Variants in ADGRG4 observed in about 807,000 individuals in gnomAD.
The protein encoded by ADGRG4 is adhesion G protein-coupled receptor G4, also known as G protein-coupled receptor 112.
A neutral mutation model predicts 126.2 loss-of-function variants in ADGRG4; 122 were observed. The ratio of observed to expected loss-of-function variants is 0.97; its 90% CI spans 0.83 to 1.12. The LOEUF (loss-of-function observed/expected upper bound fraction) is 1.12. Among genes scored for constraint, ADGRG4 ranks in the 50% most tolerant of loss-of-function variants. The pLI, the probability that ADGRG4 is intolerant of heterozygous loss-of-function variation, is 0.00. For missense variants in ADGRG4, 2,481 were observed against 2,251.8 expected, an observed-to-expected ratio of 1.10 and a Z score of -2.06; for synonymous variants, 943 against 838.7, an observed-to-expected ratio of 1.12 and a Z score of -2.15.
intron 15 of ADGRG4, among the ~76,000 whole-genome samples, chrX:136,376,249 T>C (rs182896321): frequency 4.5e-4 from 51 of 112,294 alleles, no homozygotes; most frequent in Admixed American, 4.0e-3. Context: ...TTCTGTTCTA[T>C]TGGTCTACAT....
intron 13 of ADGRG4, among the ~76,000 whole-genome samples, chrX:136,366,122 G>A (rs2075157097): frequency 8.9e-6 from 1 of 111,928 alleles, no homozygotes; most frequent in Non-Finnish European, 1.9e-5. Context: ...ATAATGACAC[G>A]AATCCGCCAT....
At chrX:136,372,761 C>A in intron 14 of ADGRG4, 141 bp from the exon 15 acceptor site, 1 of 566,206 alleles carries the variant, frequency 1.8e-6, no homozygotes, top group South Asian at 3.0e-5. Flanking sequence ...AAAGCCAGTG[C>A]TCTTATTTAA....
In ADGRG4 at chrX:136,350,174, G is replaced by A; in HGVS notation, c.6468G>A (p.Trp2156Ter). The part of the protein sequence containing the change: ...PLPSSTITSS[W>*]NRIPTASSPS... ...CTAGCTCTACAATAACATCTTCATG[G>A]AACAGAATTCCAACTGCATCATCAC... The change falls in exon 6 of 26, where the codon TGG (tryptophan) becomes TGA (stop). Residue 2156 changes from tryptophan to a stop codon, truncating the protein, a stop_gained. Coordinates refer to ENST00000394143, the MANE Select transcript of ADGRG4 (RefSeq NM_153834.4). LOFTEE classifies it high-confidence loss of function. The A allele has an allele frequency of 1.7e-6, 2 of 1,210,291 alleles. No homozygotes were observed. Among genetic ancestry groups the A allele is most frequent in the Non-Finnish European group, 2.2e-6 (2 of 894,628 alleles).
intron 25 of ADGRG4, among the ~76,000 whole-genome samples, chrX:136,415,706 G>A (rs2075472032): frequency 1.8e-5 from 2 of 111,772 alleles, no homozygotes; most frequent in African/African-American, 3.3e-5. Context: ...GTAGATAATA[G>A]TTGGGGCTGG....
chrX:136,343,885 C>A (rs1269578633), intron 5 of ADGRG4, among the ~76,000 whole-genome samples: 1 of 111,559 alleles, frequency 9.0e-6, no homozygotes, highest in Non-Finnish European at 1.9e-5. Flanking sequence ...AGCAACTAGT[C>A]CAAGGTTATG....
At chrX:136,375,391 A>C (rs966856440) in intron 15 of ADGRG4, among the ~76,000 whole-genome samples, 1 of 112,013 alleles carries the variant, frequency 8.9e-6, no homozygotes, top group African/African-American at 3.2e-5. Context: ...TTTCCTTTGA[A>C]TAGATACCCA....
chrX:136,303,695 AAAATCTCT>A (rs1212654522), intron 1 of ADGRG4, among the ~76,000 whole-genome samples: 1 of 111,684 alleles, frequency 9.0e-6, no homozygotes, highest in Non-Finnish European at 1.9e-5. Flanking sequence ...ATTGTCCTTC[AAAATCTCT>A]TAAGGAGTTG....
chrX:136,346,168 G>A lies in ADGRG4; in HGVS notation c.2462G>A (p.Gly821Asp). The A allele has an allele frequency of 8.3e-7, 1 of 1,208,287 alleles. No homozygotes were observed. The highest frequency in any genetic ancestry group is 1.7e-5 in the African/African-American group (1 of 57,633). Residue 821 changes from glycine to aspartate, a missense_variant, in exon 6 of 26, where the codon GGT (glycine) becomes GAT (aspartate). Gly to Asp is a moderately conservative substitution (Grantham distance 94). Transcript: ENST00000394143. ...ATAAATGGTGCAATTGTATTTGGAG[G>A]TACAACGACCCCTGTACCAAAGTCA... ...TEINGAIVFG[G>D]TTTPVPKSAT...
At chrX:136,328,958 T>TCAGA (rs2074891609) in intron 5 of ADGRG4, among the ~76,000 whole-genome samples, 1 of 111,568 alleles carries the variant, frequency 9.0e-6, no homozygotes, top group South Asian at 3.8e-4. Flanking sequence ...TCCTATAGAC[T>TCAGA]CAGAGATAGA....
intron 15 of ADGRG4, among the ~76,000 whole-genome samples, chrX:136,382,990 A>G (rs1001709961): frequency 9.0e-6 from 1 of 110,892 alleles, no homozygotes; most frequent in African/African-American, 3.3e-5. Context: ...TGCCACTTCC[A>G]CTTCCAACTC....
At chrX:136,404,170 G>C (rs2148499281) in intron 22 of ADGRG4, among the ~76,000 whole-genome samples, 1 of 111,415 alleles carries the variant, frequency 9.0e-6, no homozygotes, top group South Asian at 3.8e-4. Flanking sequence ...TTTGCCCTTT[G>C]CAGCAGATGC....
intron 3 of ADGRG4, among the ~76,000 whole-genome samples, chrX:136,307,406 A>G (rs1460395580): frequency 8.9e-6 from 1 of 112,599 alleles, no homozygotes; most frequent in Non-Finnish European, 1.9e-5. Context: ...ATAGCACTAT[A>G]AATTTAAGCT....
At position 136,346,948 on chromosome X, in the gene ADGRG4, A is replaced by C; in HGVS notation, c.3242A>C (p.His1081Pro). 1 of 1,210,873 alleles carries C rather than the reference A, an allele frequency of 8.3e-7. No homozygotes were observed. The highest frequency in any genetic ancestry group is 1.1e-6 in the Non-Finnish European group (1 of 894,869). ...ACAACCATTGTTATTGTGCCTACCC[A>C]TGGAGACTTGATTCGTACCACTTCA... ...ASTTIVIVPT[H>P]GDLIRTTSEA... is the part of the protein sequence containing the mutation. Residue 1081 changes from histidine to proline, a missense_variant, in exon 6 of 26, where the codon CAT becomes CCT. Coordinates refer to ENST00000394143, the MANE Select transcript of ADGRG4 (RefSeq NM_153834.4).
At position 136,360,866 on chromosome X, in the gene ADGRG4, G is replaced by A. The variant is rs145438304; in HGVS notation, c.7145-589G>A. ...GGGGCCATTCCAGAGAGAGAAGTTC[G>A]TCTATAGTCTCCTGTCTTTGGATAT... On this transcript the variant is annotated intron_variant, in intron 11 of 25. Coordinates refer to ENST00000394143, the MANE Select transcript of ADGRG4 (RefSeq NM_153834.4). Among the ~76,000 whole-genome samples, 50 of 111,938 alleles carry A rather than the reference G, an allele frequency of 4.5e-4. No homozygotes were observed. In the East Asian group the frequency reaches 0.011, roughly 24 times the overall value.
chrX:136,322,242 GGCCTCTGTCAGT>G (rs1454566508), intron 4 of ADGRG4, among the ~76,000 whole-genome samples: 4 of 111,750 alleles, frequency 3.6e-5, no homozygotes, highest in African/African-American at 1.3e-4. Context: ...TCATTCTTCA[GGCCTCTGTCAGT>G]GCCTTTCAGT....
intron 15 of ADGRG4, among the ~76,000 whole-genome samples, chrX:136,384,761 C>G: frequency 9.0e-6 from 1 of 111,362 alleles, no homozygotes; most frequent in African/African-American, 3.3e-5. Flanking sequence ...CTCTTCTGGC[C>G]TTTATGTTTT....
intron 17 of ADGRG4, among the ~76,000 whole-genome samples, chrX:136,393,185 C>T (rs779215573): frequency 1.8e-5 from 2 of 111,740 alleles, no homozygotes; most frequent in African/African-American, 3.2e-5. Flanking sequence ...CGGTGAGCCC[C>T]GAATTCCAAA....
chrX:136,307,800 C>A (rs767574890), intron 3 of ADGRG4, among the ~76,000 whole-genome samples: 7 of 112,526 alleles, frequency 6.2e-5, no homozygotes, highest in Non-Finnish European at 1.3e-4. Flanking sequence ...TTTTCTGTAA[C>A]ATGTTTCAGT....
chrX:136,414,365 C>T (rs1225513555), intron 25 of ADGRG4, 38 bp downstream of exon 25: 41 of 1,073,361 alleles, frequency 3.8e-5, no homozygotes, highest in Non-Finnish European at 4.8e-5. Context: ...ATTTATATTC[C>T]AGAGATATTG....
Sources: allele counts gnomAD v4.1 joint callset (sites outside exome capture counted in the v4.1 genomes callset), GRCh38; gene constraint gnomAD v4.1.1; transcripts MANE v1.5; gene names NCBI Gene and HGNC (gene_info 2026-07-23, HGNC 2026-07-21).